The following UBE2G1 variants were observed in gnomAD, a reference collection of about 807,000 sequenced individuals.
The protein encoded by UBE2G1 is ubiquitin-conjugating enzyme E2 G1.
Under a neutral mutation model 22.7 loss-of-function variants are expected in UBE2G1, and 5 were observed. That is an observed-to-expected ratio of 0.22 (90% CI 0.12 to 0.46). UBE2G1 has a LOEUF of 0.46. UBE2G1 is among the 20% of genes least tolerant of loss of function. UBE2G1 has a pLI of 0.99. For missense variants in UBE2G1, 88 were observed against 203.9 expected (o/e 0.43, Z 3.46); for synonymous variants, 74 against 67.5 (o/e 1.10, Z -0.47).
At chr17:4,285,140 A>G (rs1027203340) in intron 4 of UBE2G1, among the ~76,000 whole-genome samples, 1 of 151,996 alleles carries the variant, frequency 6.6e-6, no homozygotes, top group Non-Finnish European at 1.5e-5. Context: ...CACCATGCCC[A>G]GCCTCAAAAT....
intron 1 of UBE2G1, among the ~76,000 whole-genome samples, chr17:4,359,796 G>A (rs1239626542): frequency 6.7e-6 from 1 of 148,766 alleles, no homozygotes; most frequent in Admixed American, 6.9e-5. Context: ...AGGCTGCAGT[G>A]AGCCAAGATC....
chr17:4,357,516 G>T (rs1567531424), intron 1 of UBE2G1, among the ~76,000 whole-genome samples: 10 of 72,856 alleles, frequency 1.4e-4, no homozygotes, highest in African/African-American at 5.0e-4. Flanking sequence ...TGTGGGGGGG[G>T]GGGGTGGGTG....
intron 2 of UBE2G1, chr17:4,301,344 G>T: frequency 2.1e-6 from 1 of 473,618 alleles, no homozygotes; most frequent in South Asian, 1.9e-5. Flanking sequence ...TCCCACGGGC[G>T]CAATGGAGGA....
intron 4 of UBE2G1, 122 bp downstream of exon 4, chr17:4,289,107 AC>A (rs1969004740): frequency 4.0e-5 from 3 of 74,192 alleles, no homozygotes; most frequent in Middle Eastern, 1.7e-3. Context: ...GGGAAGAGAT[AC>A]ACACACACAC....
At chr17:4,311,620 G>A (rs542440260) in intron 1 of UBE2G1, among the ~76,000 whole-genome samples, 1 of 152,152 alleles carries the variant, frequency 6.6e-6, no homozygotes, top group Non-Finnish European at 1.5e-5. Flanking sequence ...TAGACAATGA[G>A]GGAAGGGAGA....
At chr17:4,306,666 T>C (rs959981964) in intron 2 of UBE2G1, among the ~76,000 whole-genome samples, 5 of 152,112 alleles carry the variant, frequency 3.3e-5, no homozygotes, top group Non-Finnish European at 5.9e-5. Context: ...CTTTGTTTTG[T>C]TTTGAGATGG....
At chr17:4,327,087 G>T (rs887269963) in intron 1 of UBE2G1, among the ~76,000 whole-genome samples, 1 of 152,144 alleles carries the variant, frequency 6.6e-6, no homozygotes, top group African/African-American at 2.4e-5. Flanking sequence ...CCTGAGTTCA[G>T]AAGTTCGAGG....
chr17:4,286,404 C>CAAAA (rs11312770), intron 4 of UBE2G1, among the ~76,000 whole-genome samples: 1 of 117,444 alleles, frequency 8.5e-6, no homozygotes, highest in Admixed American at 8.6e-5. Context: ...GACTCTGTCT[C>CAAAA]AAAAAAAAAA....
chr17:4,284,406 C>T (rs1056387005), intron 4 of UBE2G1, among the ~76,000 whole-genome samples: 2 of 151,976 alleles, frequency 1.3e-5, no homozygotes, highest in African/African-American at 4.8e-5. Context: ...TAAGACCAGA[C>T]TGGCCAACAT....
chr17:4,323,999 A>G (rs1969473816), intron 1 of UBE2G1, among the ~76,000 whole-genome samples: 1 of 152,244 alleles, frequency 6.6e-6, no homozygotes, highest in African/African-American at 2.4e-5. Context: ...AGGTCACTGG[A>G]GAACAGAATA....
intron 2 of UBE2G1, chr17:4,302,548 G>C: frequency 2.6e-6 from 1 of 385,904 alleles, no homozygotes; most frequent in South Asian, 2.3e-5. Flanking sequence ...TGGACACTGG[G>C]GGATATTTGT....
intron 1 of UBE2G1, among the ~76,000 whole-genome samples, chr17:4,355,407 G>A (rs1167501391): frequency 2.7e-5 from 4 of 150,770 alleles, no homozygotes; most frequent in African/African-American, 4.9e-5. Flanking sequence ...TTGGGAGGCC[G>A]AGGCGGGTGT....
chr17:4,282,950 A>G (rs751057823), intron 4 of UBE2G1, 29 bp from the exon 5 acceptor site: 1 of 1,563,498 alleles, frequency 6.4e-7, no homozygotes, highest in South Asian at 1.1e-5. Context: ...GTATCAAGTG[A>G]TTTCATGCAA....
chr17:4,310,360 A>C (rs1969295903), intron 1 of UBE2G1, among the ~76,000 whole-genome samples: 1 of 152,360 alleles, frequency 6.6e-6, no homozygotes, highest in Admixed American at 6.5e-5. Flanking sequence ...ATTTGAGGGC[A>C]CACAAAAAAG....
chr17:4,276,390 A>C (rs1968821934), intron 5 of UBE2G1, among the ~76,000 whole-genome samples: 1 of 151,766 alleles, frequency 6.6e-6, no homozygotes, highest in African/African-American at 2.4e-5. Context: ...TGTTGGTCTC[A>C]AACTCCCACC....
At chr17:4,362,260 G>C (rs1379616435) in intron 1 of UBE2G1, among the ~76,000 whole-genome samples, 1 of 152,142 alleles carries the variant, frequency 6.6e-6, no homozygotes, top group Non-Finnish European at 1.5e-5. Flanking sequence ...TCATGAATCT[G>C]TTAGGTGTCT....
chr17:4,298,429 A>G (rs754408367), intron 2 of UBE2G1, among the ~76,000 whole-genome samples: 1 of 152,254 alleles, frequency 6.6e-6, no homozygotes, highest in Non-Finnish European at 1.5e-5. Context: ...AACAATAGTT[A>G]GTGTTACGAG....
chr17:4,311,491 T>C (rs1969309466), intron 1 of UBE2G1, among the ~76,000 whole-genome samples: 1 of 152,210 alleles, frequency 6.6e-6, no homozygotes, highest in Non-Finnish European at 1.5e-5. Context: ...GAAGTACTAA[T>C]ATATGAAGCT....
chr17:4,342,527 A>T lies in UBE2G1; in HGVS notation c.46+23744T>A, dbSNP rs113270498. Reference sequence around the variant, plus strand: ...AGCCCAGGGGTTCGAGGCTGTGGTGAGCCATGTTTGTGCCACTGAACTCCT... The same window carrying T: ...AGCCCAGGGGTTCGAGGCTGTGGTGTGCCATGTTTGTGCCACTGAACTCCT... On this transcript the variant is annotated intron_variant, in intron 1 of 5. Transcript: ENST00000396981. 8.8e-4 allele frequency among the ~76,000 whole-genome samples: 134 copies of T among 152,312 alleles called. 1 individual carries two copies. The highest frequency in any genetic ancestry group is 3.1e-3 in the African/African-American group (127 of 41,572).
Sources: allele counts gnomAD v4.1 joint callset (sites outside exome capture counted in the v4.1 genomes callset), GRCh38; gene constraint gnomAD v4.1.1; transcripts MANE v1.5; gene names NCBI Gene and HGNC (gene_info 2026-07-23, HGNC 2026-07-21).